CRPPA: variants seen among roughly 807,000 people sequenced by gnomAD.
The protein encoded by CRPPA is CDP-L-ribitol pyrophosphorylase A.
A neutral mutation model predicts 52.0 loss-of-function variants in CRPPA; 43 were observed. The observed-to-expected ratio is 0.83, with a 90% CI of 0.65 to 1.07. The LOEUF (loss-of-function observed/expected upper bound fraction) is 1.07. CRPPA is among the 50% of genes least tolerant of loss of function. CRPPA has a pLI of 0.00. For missense variants in CRPPA, 629 were observed against 551.7 expected, an observed-to-expected ratio of 1.14 and a Z score of -1.40; for synonymous variants, 250 against 203.5, an observed-to-expected ratio of 1.23 and a Z score of -1.94.
intron 9 of CRPPA, among the ~76,000 whole-genome samples, chr7:16,189,674 A>G (rs1468216246): frequency 1.3e-5 from 2 of 152,172 alleles, no homozygotes; most frequent in Admixed American, 1.3e-4. Context: ...CAAAGATCAA[A>G]ATAGAACATG....
chr7:16,127,389 G>C (rs1782600994), intron 9 of CRPPA, among the ~76,000 whole-genome samples: 2 of 151,754 alleles, frequency 1.3e-5, no homozygotes, highest in African/African-American at 4.8e-5. Flanking sequence ...TTAAATATTA[G>C]AAAATAAGAA....
rs528842906 is a variant in CRPPA, at chr7:16,113,033, G to A, written c.1252-21234C>T. 6.6e-5 allele frequency among the ~76,000 whole-genome samples: 10 copies of A among 151,706 alleles called. No individual in the cohort carries two copies. The East Asian group carries it at 7.7e-4, about 12-fold the overall frequency. On this transcript the variant is annotated intron_variant, in intron 9 of 9. Transcript: ENST00000407010. ...AGGCACAAAATACCTTTTAAACTAC[G>A]TAAAATATTTAAATAAATAAATATA... is the stretch of plus-strand genomic sequence containing the variant.
intron 9 of CRPPA, among the ~76,000 whole-genome samples, chr7:16,114,471 A>C (rs1782328993): frequency 6.6e-6 from 1 of 152,118 alleles, no homozygotes; most frequent in Non-Finnish European, 1.5e-5. Flanking sequence ...CAAACTGAAA[A>C]AATATGAAAA....
At chr7:16,344,965 C>A (rs1785970939) in intron 3 of CRPPA, among the ~76,000 whole-genome samples, 1 of 151,636 alleles carries the variant, frequency 6.6e-6, no homozygotes, top group South Asian at 2.1e-4. Flanking sequence ...AAAAACTGCC[C>A]AATTTTGATG....
chr7:16,228,464 C>T (rs2128402179), intron 8 of CRPPA, among the ~76,000 whole-genome samples: 1 of 151,906 alleles, frequency 6.6e-6, no homozygotes, highest in East Asian at 1.9e-4. Flanking sequence ...GTTAGAACTG[C>T]TTTTACTGTA....
intron 1 of CRPPA, among the ~76,000 whole-genome samples, chr7:16,417,307 G>A (rs1252299868): frequency 6.6e-6 from 1 of 152,170 alleles, no homozygotes; most frequent in East Asian, 1.9e-4. Flanking sequence ...ATATCCAAAA[G>A]AAAACAAATG....
chr7:16,300,512 A>G (rs1784770051), intron 5 of CRPPA, among the ~76,000 whole-genome samples: 1 of 152,148 alleles, frequency 6.6e-6, no homozygotes, highest in African/African-American at 2.4e-5. Context: ...CCATATTTTA[A>G]AATAGTGGTT....
chr7:16,100,458 T>C (rs1782021828), intron 9 of CRPPA, among the ~76,000 whole-genome samples: 2 of 152,164 alleles, frequency 1.3e-5, no homozygotes, highest in Admixed American at 6.5e-5. Context: ...ACTCGGTAAA[T>C]ATTTATTAGT....
chr7:16,283,089 GC>G (rs2128418768), intron 5 of CRPPA, among the ~76,000 whole-genome samples: 1 of 151,958 alleles, frequency 6.6e-6, no homozygotes, highest in South Asian at 2.1e-4. Flanking sequence ...CTGATGTATA[GC>G]CAGATTAAAA....
chr7:16,106,262 G>A (rs542753514), intron 9 of CRPPA, among the ~76,000 whole-genome samples: 15 of 152,320 alleles, frequency 9.8e-5, no homozygotes, highest in African/African-American at 3.1e-4. Context: ...ACCTTGACAA[G>A]TAGTCAATTG....
intron 5 of CRPPA, among the ~76,000 whole-genome samples, chr7:16,290,704 A>C (rs1040891588): frequency 6.6e-6 from 1 of 152,076 alleles, no homozygotes; most frequent in African/African-American, 2.4e-5. Context: ...GGAAGAAAGC[A>C]GAGGAAATGC....
intron 3 of CRPPA, among the ~76,000 whole-genome samples, chr7:16,347,947 A>G (rs1395522478): frequency 6.6e-6 from 1 of 152,146 alleles, no homozygotes; most frequent in Non-Finnish European, 1.5e-5. Context: ...CTACAGGCAC[A>G]AAAGCACTTC....
intron 3 of CRPPA, among the ~76,000 whole-genome samples, chr7:16,354,556 A>T (rs1303246294): frequency 6.6e-6 from 1 of 152,196 alleles, no homozygotes; most frequent in Non-Finnish European, 1.5e-5. Context: ...ACACTAAAAA[A>T]ATTTTAACTT....
chr7:16,399,625 C>G (rs1038440681), intron 2 of CRPPA, among the ~76,000 whole-genome samples: 2 of 151,634 alleles, frequency 1.3e-5, no homozygotes, highest in Non-Finnish European at 2.9e-5. Flanking sequence ...GTGACTGACC[C>G]GATCGACACA....
At chr7:16,146,712 G>C (rs1782981334) in intron 9 of CRPPA, among the ~76,000 whole-genome samples, 1 of 152,084 alleles carries the variant, frequency 6.6e-6, no homozygotes, top group Non-Finnish European at 1.5e-5. Flanking sequence ...ATACCTATAA[G>C]ATGTTTTATG....
chr7:16,117,345 A>C (rs1782396086), intron 9 of CRPPA, among the ~76,000 whole-genome samples: 1 of 152,192 alleles, frequency 6.6e-6, no homozygotes. Flanking sequence ...CTGAGCACGT[A>C]GTCATATCTA....
intron 9 of CRPPA, among the ~76,000 whole-genome samples, chr7:16,140,552 G>C (rs1432242220): frequency 6.6e-6 from 1 of 152,206 alleles, no homozygotes; most frequent in Non-Finnish European, 1.5e-5. Flanking sequence ...AACATAAAAA[G>C]TTGAATCAAC....
chr7:16,244,582 A>C lies in CRPPA; in HGVS notation c.1119+13808T>G, dbSNP rs1013109488. 1.6e-4 allele frequency among the ~76,000 whole-genome samples: 25 copies of C among 152,280 alleles called. 1 individual carries two copies. Among genetic ancestry groups the C allele is most frequent in the African/African-American group, 4.1e-4 (17 of 41,572 alleles). ...AATTTCTACCACTTAAACCTAACCC[A>C]ATGTTGTTTTTGCCAAATGCCCACC... On this transcript the variant is annotated intron_variant, in intron 8 of 9. Transcript: ENST00000407010.
intron 9 of CRPPA, among the ~76,000 whole-genome samples, chr7:16,162,610 T>C (rs1780926697): frequency 6.6e-6 from 1 of 152,230 alleles, no homozygotes; most frequent in African/African-American, 2.4e-5. Context: ...TGTGGTCAAT[T>C]TTAGAATACG....
Sources: gnomAD v4.1 joint callset for allele counts (sites outside exome capture counted in the v4.1 genomes callset) on GRCh38, gnomAD v4.1.1 for gene constraint, MANE v1.5 for transcripts, NCBI Gene and HGNC (gene_info 2026-07-23, HGNC 2026-07-21) for gene names.